Variants in AKAP3 observed in about 807,000 individuals in gnomAD.
The protein encoded by AKAP3 is A-kinase anchoring protein 3.
In AKAP3, 27 loss-of-function variants were observed where a neutral mutation model predicts 57.2. The ratio of observed to expected loss-of-function variants is 0.47; its 90% confidence interval spans 0.35 to 0.65. AKAP3 has a LOEUF of 0.65. Ranked by LOEUF, AKAP3 falls within the 30% of genes least tolerant of loss-of-function variation. AKAP3 has a pLI of 0.01. For missense variants in AKAP3, 959 were observed against 1,040.0 expected (o/e 0.92, Z 1.07); for synonymous variants, 334 against 392.3 (o/e 0.85, Z 1.76).
At chr12:4,639,435 TA>T (rs1945607826) in intron 3 of AKAP3, among the ~76,000 whole-genome samples, 1 of 152,202 alleles carries the variant, frequency 6.6e-6, no homozygotes, top group Admixed American at 6.5e-5. Context: ...TTTTCTTTTT[TA>T]AAATTATACT....
chr12:4,646,179 T>G (rs1187331851), intron 1 of AKAP3, among the ~76,000 whole-genome samples: 1 of 152,112 alleles, frequency 6.6e-6, no homozygotes, highest in Non-Finnish European at 1.5e-5. Context: ...CAAGAGGCAT[T>G]TGGTTAGCTA....
At chr12:4,644,662 A>G (rs1945677113) in intron 2 of AKAP3, among the ~76,000 whole-genome samples, 2 of 152,224 alleles carry the variant, frequency 1.3e-5, no homozygotes. Flanking sequence ...CTGTAATCCC[A>G]TTACTTTGGG....
At chr12:4,617,679 G>C (rs904922474) in intron 5 of AKAP3, among the ~76,000 whole-genome samples, 5 of 151,588 alleles carry the variant, frequency 3.3e-5, no homozygotes, top group African/African-American at 1.2e-4. Flanking sequence ...TTGAACCCAG[G>C]AGGCTGAGGT....
At chr12:4,637,986 C>T in intron 4 of AKAP3, 115 bp downstream of exon 4, 1 of 953,968 alleles carries the variant, frequency 1.0e-6, no homozygotes, top group South Asian at 1.4e-5. Flanking sequence ...CCACCTGCCT[C>T]AAGAATCCCA....
At chr12:4,631,589 A>G (rs7310920) in intron 4 of AKAP3, among the ~76,000 whole-genome samples, 37,449 of 152,030 alleles carry the variant, frequency 0.25, 5,330 homozygotes, top group South Asian at 0.43. Context: ...TGATTGGTGC[A>G]TGCTCACACA....
chr12:4,623,305 C>T lies in AKAP3; in HGVS notation c.2406+3191G>A, dbSNP rs148039702. Among the ~76,000 whole-genome samples, 13 of 152,250 alleles carry T rather than the reference C, an allele frequency of 8.5e-5. 1 individual carries two copies. The highest frequency in any genetic ancestry group is 3.4e-3 in the Middle Eastern group (1 of 294). ...TTGTTTTACCATAAAGACACATGCA[C>T]GTGGATGTTCACTGCAACACTATTC... is the stretch of plus-strand genomic sequence containing the variant. On this transcript the variant is annotated intron_variant, in intron 5 of 5. Coordinates refer to ENST00000228850, the MANE Select transcript of AKAP3 (RefSeq NM_001278309.2).
chr12:4,640,050 T>G (rs1430678259), intron 3 of AKAP3, among the ~76,000 whole-genome samples: 5 of 152,130 alleles, frequency 3.3e-5, no homozygotes, highest in Non-Finnish European at 5.9e-5. Context: ...TCTCCTGACC[T>G]CGTGATCCAC....
At chr12:4,618,137 A>G (rs966814305) in intron 5 of AKAP3, among the ~76,000 whole-genome samples, 2 of 152,250 alleles carry the variant, frequency 1.3e-5, no homozygotes, top group African/African-American at 4.8e-5. Flanking sequence ...AAACATATCC[A>G]TAAATTGGGC....
chr12:4,637,321 G>T (rs996931546), intron 4 of AKAP3, among the ~76,000 whole-genome samples: 1 of 152,232 alleles, frequency 6.6e-6, no homozygotes, highest in Non-Finnish European at 1.5e-5. Context: ...AGAGCAGGAG[G>T]AAAGGGCTTC....
At chr12:4,638,633 A>C (rs1307265289) in intron 3 of AKAP3, among the ~76,000 whole-genome samples, 1 of 152,168 alleles carries the variant, frequency 6.6e-6, no homozygotes, top group African/African-American at 2.4e-5. Flanking sequence ...GCTTTTAAGT[A>C]ATTGTTTCAT....
At chr12:4,635,594 C>A (rs1565557110) in intron 4 of AKAP3, 3 of 724,792 alleles carry the variant, frequency 4.1e-6, no homozygotes, top group African/African-American at 1.7e-5. Context: ...AGCCTTGTTT[C>A]CTGATAAAGC....
At chr12:4,624,200 G>A (rs1945380270) in intron 5 of AKAP3, among the ~76,000 whole-genome samples, 1 of 151,796 alleles carries the variant, frequency 6.6e-6, no homozygotes, top group African/African-American at 2.4e-5. Flanking sequence ...AAACATATAT[G>A]ATATATGAAA....
chr12:4,646,074 G>A (rs2137453861), intron 1 of AKAP3, among the ~76,000 whole-genome samples: 1 of 151,970 alleles, frequency 6.6e-6, no homozygotes, highest in East Asian at 1.9e-4. Context: ...GACCATCTCT[G>A]GGTTATAATT....
chr12:4,639,112 T>C (rs889527391), intron 3 of AKAP3, among the ~76,000 whole-genome samples: 25 of 152,258 alleles, frequency 1.6e-4, no homozygotes, highest in African/African-American at 5.3e-4. Flanking sequence ...ACCTATTATA[T>C]GTACTCCTTT....
chr12:4,619,559 A>AAACAAC (rs985705315), intron 5 of AKAP3, among the ~76,000 whole-genome samples: 1 of 151,290 alleles, frequency 6.6e-6, no homozygotes, highest in African/African-American at 2.5e-5. Flanking sequence ...CCTGTCTCAA[A>AAACAAC]AACAACAACA....
chr12:4,618,375 A>C (rs1174691732), intron 5 of AKAP3, among the ~76,000 whole-genome samples: 1 of 152,234 alleles, frequency 6.6e-6, no homozygotes, highest in African/African-American at 2.4e-5. Flanking sequence ...CCAGATTCCC[A>C]GTGGTCTTTT....
At chr12:4,644,139 C>A (rs1945669908) in intron 2 of AKAP3, among the ~76,000 whole-genome samples, 1 of 152,102 alleles carries the variant, frequency 6.6e-6, no homozygotes, top group Admixed American at 6.5e-5. Context: ...GTCTCAATGG[C>A]ACCATTCATT....
chr12:4,635,701 G>A, intron 4 of AKAP3: 1 of 714,682 alleles, frequency 1.4e-6, no homozygotes, highest in South Asian at 1.6e-5. Context: ...ATACAGCTAT[G>A]GCTGCTTGTG....
chr12:4,621,695 A>G (rs1055983503), intron 5 of AKAP3, among the ~76,000 whole-genome samples: 5 of 152,200 alleles, frequency 3.3e-5, no homozygotes, highest in Non-Finnish European at 7.4e-5. Context: ...ACAATGAGGA[A>G]ATCGCTTAAT....
Sources: gnomAD v4.1 joint callset for allele counts (sites outside exome capture counted in the v4.1 genomes callset) on GRCh38, gnomAD v4.1.1 for gene constraint, MANE v1.5 for transcripts, NCBI Gene and HGNC (gene_info 2026-07-23, HGNC 2026-07-21) for gene names.